SFMBT2: variants seen among roughly 807,000 people sequenced by gnomAD.
SFMBT2 encodes the protein Scm like with four mbt domains 2.
A neutral mutation model predicts 110.1 loss-of-function variants in SFMBT2; 38 were observed. That is an observed-to-expected ratio of 0.35 (90% CI 0.27 to 0.45). The LOEUF is 0.45. Ranked by LOEUF, SFMBT2 falls within the 20% of genes least tolerant of loss-of-function variation. The probability of loss-of-function intolerance (pLI) is 1.00; values close to 1 mark genes in which losing one functional copy is unlikely to be tolerated. For synonymous variants in SFMBT2, 425 were observed against 425.4 expected, an observed-to-expected ratio of 1.00 and a Z score of 0.01; for missense variants, 1,011 against 1,094.9, an observed-to-expected ratio of 0.92 and a Z score of 1.08.
intron 16 of SFMBT2, among the ~76,000 whole-genome samples, chr10:7,188,308 C>T (rs1033955345): frequency 1.3e-5 from 2 of 152,206 alleles, no homozygotes; most frequent in Admixed American, 1.3e-4. Context: ...GGGATATCCT[C>T]TTTACAATTT....
chr10:7,331,351 C>T (rs1393071430), intron 4 of SFMBT2, among the ~76,000 whole-genome samples: 2 of 152,180 alleles, frequency 1.3e-5, no homozygotes. Context: ...ACAGGAAAGC[C>T]AGGTGAAAAC....
intron 1 of SFMBT2, among the ~76,000 whole-genome samples, chr10:7,399,841 T>C (rs994605913): frequency 2.0e-5 from 3 of 152,022 alleles, no homozygotes; most frequent in South Asian, 2.1e-4. Context: ...GGAAGGTAGG[T>C]TTCCACTCAC....
At chr10:7,343,229 T>C (rs905793310) in intron 4 of SFMBT2, among the ~76,000 whole-genome samples, 9 of 152,162 alleles carry the variant, frequency 5.9e-5, no homozygotes, top group African/African-American at 2.2e-4. Context: ...TGCTTTTTTT[T>C]TTTAATGGCT....
At chr10:7,269,719 T>TGTGTGC in intron 7 of SFMBT2, among the ~76,000 whole-genome samples, 1 of 6,442 alleles carries the variant, frequency 1.6e-4, no homozygotes, top group African/African-American at 5.8e-4. Flanking sequence ...TGTGTGCGTG[T>TGTGTGC]GTGTGTGTGT....
At chr10:7,375,751 C>CCACACACACACACA (rs35306837) in intron 2 of SFMBT2, among the ~76,000 whole-genome samples, 3 of 124,772 alleles carry the variant, frequency 2.4e-5, no homozygotes, top group Non-Finnish European at 3.3e-5. Context: ...AAAGAAAAAA[C>CCACACACACACACA]CACACACACA....
Position 7,181,907 on chromosome 10 carries a change from T to C in SFMBT2, c.1809-5742A>G, listed in dbSNP as rs559042114. ...TAACAGTAAATCTGCATTTATGTAA[T>C]GAAGCTACTGACATATTCTCAAGGA... On this transcript the variant is annotated intron_variant, in intron 16 of 20. Transcript: ENST00000397167. Among the ~76,000 whole-genome samples the C allele has an allele frequency of 5.4e-4, 83 of 152,352 alleles. 1 individual carries two copies. Among genetic ancestry groups the C allele is most frequent in the Middle Eastern group, 3.4e-3 (1 of 294 alleles).
At chr10:7,222,915 C>T (rs1488280735) in intron 10 of SFMBT2, among the ~76,000 whole-genome samples, 1 of 152,118 alleles carries the variant, frequency 6.6e-6, no homozygotes, top group Non-Finnish European at 1.5e-5. Flanking sequence ...CTTGGCCTCC[C>T]TAAGTGCTGG....
intron 4 of SFMBT2, among the ~76,000 whole-genome samples, chr10:7,317,850 C>A (rs1055951450): frequency 1.3e-5 from 2 of 152,000 alleles, no homozygotes; most frequent in African/African-American, 4.8e-5. Context: ...CCCTGGTGGG[C>A]GTCATTTGGA....
At chr10:7,359,433 G>A (rs906046337) in intron 4 of SFMBT2, among the ~76,000 whole-genome samples, 2 of 152,328 alleles carry the variant, frequency 1.3e-5, no homozygotes, top group Middle Eastern at 3.4e-3. Context: ...AAGCAAAAAT[G>A]AGCCACGAGG....
chr10:7,171,617 G>C lies in SFMBT2; in HGVS notation c.2415+278C>G. Reference sequence around the variant, plus strand: ...GGAAACCCAGACTTCAAAGGAAACTGAGGACTGTGCCCTCCTCCTGACAAG... The same window carrying C: ...GGAAACCCAGACTTCAAAGGAAACTCAGGACTGTGCCCTCCTCCTGACAAG... On this transcript the variant is annotated intron_variant, in intron 19 of 20. Coordinates refer to ENST00000397167, the MANE Select transcript of SFMBT2 (RefSeq NM_001387889.1). The surrounding 1 kb of genome is among the most constrained non-coding windows in gnomAD (Gnocchi z 4.9). 2.1e-6 allele frequency: 2 copies of C among 970,104 alleles called. No individual in the cohort carries two copies. Among genetic ancestry groups the C allele is most frequent in the Non-Finnish European group, 2.5e-6 (2 of 816,156 alleles). 60.1% of individuals were successfully genotyped at this position (970,104 alleles called of 1,614,324 possible). A position where few individuals can be genotyped will look rare whatever the true frequency, so the allele number is the denominator to read the frequency against.
chr10:7,305,815 T>C (rs1024212985), intron 4 of SFMBT2, among the ~76,000 whole-genome samples: 2 of 152,240 alleles, frequency 1.3e-5, no homozygotes, highest in East Asian at 1.9e-4. Flanking sequence ...GCACGTTTTG[T>C]GACTCCAGTG....
intron 20 of SFMBT2, among the ~76,000 whole-genome samples, chr10:7,166,988 C>A (rs1242306783): frequency 6.6e-6 from 1 of 152,192 alleles, no homozygotes; most frequent in African/African-American, 2.4e-5. Flanking sequence ...TAATGTTAAA[C>A]ACAGAACTAC....
chr10:7,270,298 G>GT (rs1267224020), intron 7 of SFMBT2, among the ~76,000 whole-genome samples: 1 of 152,148 alleles, frequency 6.6e-6, no homozygotes, highest in African/African-American at 2.4e-5. Context: ...CTTCAGGGGA[G>GT]TGTGGTCCTG....
chr10:7,235,991 C>T (rs567598052), intron 9 of SFMBT2, among the ~76,000 whole-genome samples: 2 of 152,142 alleles, frequency 1.3e-5, no homozygotes, highest in South Asian at 4.1e-4. Flanking sequence ...GACAGTTTTC[C>T]CAAACTGTCA....
intron 1 of SFMBT2, among the ~76,000 whole-genome samples, chr10:7,387,360 T>C (rs1231474298): frequency 3.9e-5 from 6 of 152,174 alleles, no homozygotes; most frequent in South Asian, 2.1e-4. Context: ...CTGATTTATT[T>C]ATGCCAGACA....
intron 4 of SFMBT2, among the ~76,000 whole-genome samples, chr10:7,292,791 C>T (rs560725472): frequency 3.3e-5 from 5 of 151,972 alleles, no homozygotes; most frequent in Admixed American, 2.0e-4. Context: ...CTGAGGCGGG[C>T]GGATCACCTA....
intron 4 of SFMBT2, among the ~76,000 whole-genome samples, chr10:7,346,868 C>T (rs1844129526): frequency 6.6e-6 from 1 of 151,160 alleles, no homozygotes; most frequent in African/African-American, 2.4e-5. Flanking sequence ...CGCCTGTAAT[C>T]CCAGCTACTC....
At chr10:7,266,591 A>AT (rs1841401630) in intron 7 of SFMBT2, among the ~76,000 whole-genome samples, 2 of 152,216 alleles carry the variant, frequency 1.3e-5, no homozygotes, top group Admixed American at 1.3e-4. Context: ...GGACCCAGGC[A>AT]TCCCGCCCTG....
intron 15 of SFMBT2, chr10:7,189,106 C>T: frequency 7.3e-6 from 7 of 959,986 alleles, no homozygotes; most frequent in Non-Finnish European, 8.7e-6. Context: ...GAATTTCATT[C>T]TATTTTTACA....
Sources: allele counts gnomAD v4.1 joint callset (sites outside exome capture counted in the v4.1 genomes callset), GRCh38; gene constraint gnomAD v4.1.1; non-coding constraint Gnocchi (gnomAD v3.1); transcripts MANE v1.5; gene names NCBI Gene and HGNC (gene_info 2026-07-23, HGNC 2026-07-21).